Variants in GALNT4 observed in about 807,000 individuals in gnomAD.
GALNT4 encodes polypeptide N-acetylgalactosaminyltransferase 4.
GALNT4 carries 23 observed loss-of-function variants against 45.1 expected under a neutral mutation model. That is an observed-to-expected ratio of 0.51 (90% confidence interval 0.37 to 0.72). GALNT4 has a LOEUF of 0.72. Among genes scored for constraint, GALNT4 ranks in the 30% least tolerant of loss-of-function variants. The probability of loss-of-function intolerance (pLI) is 0.00; values close to 1 mark genes in which losing one functional copy is unlikely to be tolerated. For synonymous variants in GALNT4, 264 were observed against 257.6 expected, an observed-to-expected ratio of 1.02 and a Z score of -0.24; for missense variants, 757 against 709.0, an observed-to-expected ratio of 1.07 and a Z score of -0.77.
At position 89,522,092 on chromosome 12, in the gene GALNT4, A is replaced by C; in HGVS notation, c.*721T>G. 2.5e-6 allele frequency: 1 copy of C among 399,028 alleles called. No individual in the cohort carries two copies. The highest frequency in any genetic ancestry group is 3.6e-5 in the East Asian group (1 of 28,068). The allele number at this position is 399,028 out of a possible 1,614,324, so 24.7% of individuals were successfully genotyped here. On this transcript the variant is annotated 3_prime_UTR_variant, in exon 1 of 1. Transcript: ENST00000529983. The stretch of plus-strand genomic sequence containing the variant: ...CGTTCACAGAGAAGACAGCTTACAA[A>C]ATCAGAGGAATCTGAGGTATTAATA...
At position 89,523,089 on chromosome 12, in the gene GALNT4, T is replaced by A; in HGVS notation, c.1461A>T (p.Glu487Asp). 1 of 1,613,956 alleles carries A rather than the reference T, an allele frequency of 6.2e-7. No homozygotes were observed. Among genetic ancestry groups the A allele is most frequent in the South Asian group, 1.1e-5 (1 of 91,092 alleles). The part of the protein sequence containing the change: ...CHGQGGNQFF[E>D]YTSNKEIRFN... ...ACCTTATTTCTTTGTTTGAAGTATA[T>A]TCAAAGAATTGATTGCCTCCTTGAC... Residue 487 changes from glutamate (E) to aspartate (D), a missense_variant, in exon 1 of 1, where the codon GAA (glutamate) becomes GAT (aspartate). By Grantham distance (45) the Glu-to-Asp change is conservative. Coordinates refer to ENST00000529983, the MANE Select transcript of GALNT4 (RefSeq NM_003774.5).
chr12:89,524,216 G>T lies in GALNT4; in HGVS notation c.334C>A (p.Leu112Met). 1 of 1,613,990 alleles carries T rather than the reference G, an allele frequency of 6.2e-7. No homozygotes were observed. Among genetic ancestry groups the T allele is most frequent in the South Asian group, 1.1e-5 (1 of 91,082 alleles). ...CTTTTATCCTCTATGTGTCGATGCA[G>T]GGAAATCCTGTCACTGAGGTAAATA... is the stretch of plus-strand genomic sequence containing the variant. ...INIYLSDRIS[L>M]HRHIEDKRMY... Residue 112 changes from leucine (L) to methionine (M), a missense_variant, in exon 1 of 1, where the codon CTG (leucine) becomes ATG (methionine). Transcript: ENST00000529983.
rs1190349166 is a variant in GALNT4, at chr12:89,521,983, G to A, written c.*830C>T. The A allele has an allele frequency of 4.8e-5, 19 of 398,820 alleles. No individual in the cohort carries two copies. In the East Asian group the frequency reaches 6.1e-4, roughly 13 times the overall value. The allele number at this position is 398,820 out of a possible 1,614,324, so 24.7% of individuals were successfully genotyped here. ...AAATGATTAAGCATTAACAAAGGGAGGCATAGTATTCTGGATGAGTCCCTT... is the reference window on the plus strand; with the variant it reads ...AAATGATTAAGCATTAACAAAGGGAAGCATAGTATTCTGGATGAGTCCCTT... On this transcript the variant is annotated 3_prime_UTR_variant, in exon 1 of 1. Coordinates refer to ENST00000529983, the MANE Select transcript of GALNT4 (RefSeq NM_003774.5).
rs778875817 is a variant in GALNT4, at chr12:89,524,039, T to C, written c.511A>G (p.Ile171Val). The C allele has an allele frequency of 3.7e-6, 6 of 1,613,610 alleles. No homozygotes were observed. The highest frequency in any genetic ancestry group is 5.1e-6 in the Non-Finnish European group (6 of 1,179,756). Residue 171 changes from isoleucine to valine, a missense_variant, in exon 1 of 1, where the codon ATC (isoleucine) becomes GTC (valine). Coordinates refer to ENST00000529983, the MANE Select transcript of GALNT4 (RefSeq NM_003774.5). ...TSPAVLLKEI[I>V]LVDDLSDRVY... ...CTGTCACTCAAGTCATCCACCAAGA[T>C]GATCTCTTTCAAAAGAACTGCAGGA...
In GALNT4 at chr12:89,523,619, C is replaced by T; in HGVS notation, c.931G>A (p.Gly311Arg). Residue 311 changes from glycine (G) to arginine (R), a missense_variant, in exon 1 of 1, where the codon GGA becomes AGA. Coordinates refer to ENST00000529983, the MANE Select transcript of GALNT4 (RefSeq NM_003774.5). ...TTCTTGCTGACAGCAAACAGTCCTC[C>T]AGCCATGGTAGGTGATCTGATGGGG... ...IDPIRSPTMA[G>R]GLFAVSKKYF... 1 of 1,550,870 alleles carries T rather than the reference C, an allele frequency of 6.4e-7. No individual in the cohort carries two copies. The highest frequency in any genetic ancestry group is 1.3e-5 in the South Asian group (1 of 78,206).
Position 89,523,488 on chromosome 12 carries a change from G to C in GALNT4, c.1062C>G (p.Ile354Met). The change falls in exon 1 of 1, where the codon ATC becomes ATG. Residue 354 changes from isoleucine (I) to methionine (M), a missense_variant. Physicochemically the swap from Ile to Met is conservative, Grantham distance 10 (BLOSUM62 1). Transcript: ENST00000529983. The stretch of plus-strand genomic sequence containing the variant: ...CATGGCCCACGTGGGAACACGGGTG[G>C]ATCTCCAATTTGCCACCACACTGCC... The part of the protein sequence containing the change: ...RVWQCGGKLE[I>M]HPCSHVGHVF... 1 of 1,612,418 alleles carries C rather than the reference G, an allele frequency of 6.2e-7. No homozygotes were observed. The highest frequency in any genetic ancestry group is 1.1e-5 in the South Asian group (1 of 90,772).
Position 89,523,665 on chromosome 12 carries a change from G to A in GALNT4, c.885C>T (p.Asp295=). ...QWHSVPKQER[D]RRISRIDPIR... is the part of the protein sequence containing the mutation. ...TGGGGTCAATTCTTGATATCCGCCT[G>A]TCCCTTTCCTGTTTGGGGACAGAAT... Residue 295 remains aspartate, a synonymous_variant, in exon 1 of 1, where the codon GAC becomes GAT. Coordinates refer to ENST00000529983, the MANE Select transcript of GALNT4 (RefSeq NM_003774.5). 1 of 1,537,992 alleles carries A rather than the reference G, an allele frequency of 6.5e-7. No individual in the cohort carries two copies. The highest frequency in any genetic ancestry group is 8.7e-7 in the Non-Finnish European group (1 of 1,148,766).
chr12:89,523,742 T>C lies in GALNT4; in HGVS notation c.808A>G (p.Ile270Val). Residue 270 changes from isoleucine (I) to valine (V), a missense_variant, in exon 1 of 1, where the codon ATA (isoleucine) becomes GTA (valine). Ile to Val is a conservative substitution (Grantham distance 29, BLOSUM62 3). Coordinates refer to ENST00000529983, the MANE Select transcript of GALNT4 (RefSeq NM_003774.5). ...DWNTFEFYMQ[I>V]GEPMIGGFDW... ...AACCCACCAATCATGGGCTCCCCTATCTGCATATAGAATTCAAAAGTATTC... is the reference window on the plus strand; with the variant it reads ...AACCCACCAATCATGGGCTCCCCTACCTGCATATAGAATTCAAAAGTATTC... 1.3e-6 allele frequency: 2 copies of C among 1,544,032 alleles called. No individual in the cohort carries two copies. Among genetic ancestry groups the C allele is most frequent in the South Asian group, 1.3e-5 (1 of 76,962 alleles).
rs1592651727 is a variant in GALNT4, at chr12:89,523,032, T to C, written c.1518A>G (p.Val506=). Reference sequence around the variant, plus strand: ...TTCCCACATAATTTTTTTGCTCAGGTACCTCTGCACATAACTCTGTCACAG... The same window carrying C: ...TTCCCACATAATTTTTTTGCTCAGGCACCTCTGCACATAACTCTGTCACAG... ...FNSVTELCAE[V]PEQKNYVGMQ... Residue 506 remains valine, a synonymous_variant, in exon 1 of 1, where the codon GTA becomes GTG. Transcript: ENST00000529983. 9 of 1,613,894 alleles carry C rather than the reference T, an allele frequency of 5.6e-6. No individual in the cohort carries two copies. The East Asian group carries it at 2.0e-4, about 36-fold the overall frequency.
Position 89,522,910 on chromosome 12 carries a change from C to G in GALNT4, c.1640G>C (p.Cys547Ser). The change falls in exon 1 of 1, where the codon TGT becomes TCT. Residue 547 changes from cysteine (C) to serine (S), a missense_variant. Transcript: ENST00000529983. ...CTCCGGTGTCCGATAAGCACTAAGACACAGTCCTGAGTGTGGGTGAAAAAT... is the reference window on the plus strand; with the variant it reads ...CTCCGGTGTCCGATAAGCACTAAGAGACAGTCCTGAGTGTGGGTGAAAAAT... ...GTIFHPHSGL[C>S]LSAYRTPEGR... 1 of 1,614,046 alleles carries G rather than the reference C, an allele frequency of 6.2e-7. No individual in the cohort carries two copies. The highest frequency in any genetic ancestry group is 8.5e-7 in the Non-Finnish European group (1 of 1,179,894).
In GALNT4 at chr12:89,524,578, C is replaced by A. The variant is rs1361042955; in HGVS notation, c.-29G>T. ...GATTCTCAGGGCTGAGGCGCAGACGCGGCCACCAAGCCACCACGCAGGGGA... is the reference window on the plus strand; with the variant it reads ...GATTCTCAGGGCTGAGGCGCAGACGAGGCCACCAAGCCACCACGCAGGGGA... On this transcript the variant is annotated 5_prime_UTR_variant, in exon 1 of 1. Transcript: ENST00000529983. The A allele has an allele frequency of 2.5e-6, 4 of 1,608,612 alleles. No homozygotes were observed. The Admixed American group carries it at 5.0e-5, about 20-fold the overall frequency.
Position 89,523,591 on chromosome 12 carries a change from T to C in GALNT4, c.959A>G (p.Tyr320Cys). ...GTCATACGTTCCAAGGTACTGAAAATATTTCTTGCTGACAGCAAACAGTCC... is the reference window on the plus strand; with the variant it reads ...GTCATACGTTCCAAGGTACTGAAAACATTTCTTGCTGACAGCAAACAGTCC... Reference protein sequence around the residue: ...AGGLFAVSKKYFQYLGTYDTG... With the variant: ...AGGLFAVSKKCFQYLGTYDTG... The change falls in exon 1 of 1, where the codon TAT (tyrosine) becomes TGT (cysteine). Residue 320 changes from tyrosine to cysteine, a missense_variant. Coordinates refer to ENST00000529983, the MANE Select transcript of GALNT4 (RefSeq NM_003774.5). The C allele has an allele frequency of 3.2e-6, 5 of 1,567,636 alleles. No individual in the cohort carries two copies. Among genetic ancestry groups the C allele is most frequent in the Non-Finnish European group, 4.3e-6 (5 of 1,161,722 alleles).
chr12:89,523,870 T>A lies in GALNT4; in HGVS notation c.680A>T (p.Asp227Val). The part of the protein sequence containing the change: ...FATGDVLTFL[D>V]CHCECNSGWL... ...ACCGGAATTACACTCACAGTGACAATCCAGGAAAGTGAGGACGTCCCCAGT... is the reference window on the plus strand; with the variant it reads ...ACCGGAATTACACTCACAGTGACAAACCAGGAAAGTGAGGACGTCCCCAGT... The change falls in exon 1 of 1, where the codon GAT becomes GTT. Residue 227 changes from aspartate to valine, a missense_variant. By Grantham distance (152) the Asp-to-Val change is radical. Transcript: ENST00000529983. 2 of 1,568,124 alleles carry A rather than the reference T, an allele frequency of 1.3e-6. No homozygotes were observed. Among genetic ancestry groups the A allele is most frequent in the Non-Finnish European group, 1.7e-6 (2 of 1,161,720 alleles).
In GALNT4 at chr12:89,524,080, CTG is replaced by C. The variant is rs1228425296; in HGVS notation, c.468_469del (p.His156GlnfsTer19). 20 of 1,613,790 alleles carry C rather than the reference CTG, an allele frequency of 1.2e-5. No individual in the cohort carries two copies. Among genetic ancestry groups the C allele is most frequent in the Non-Finnish European group, 1.6e-5 (19 of 1,179,864 alleles). On this transcript the variant is annotated frameshift_variant, in exon 1 of 1. Transcript: ENST00000529983. LOFTEE classifies it high-confidence loss of function. ...AACTGCAGGAGAAGTTTCTAAAACA[CTG>C]TGAATGGTACGGAGCAAAGTCGACC...
chr12:89,523,823 T>G lies in GALNT4; in HGVS notation c.727A>C (p.Arg243=), dbSNP rs1871153103. The G allele has an allele frequency of 6.5e-7, 1 of 1,541,430 alleles. No homozygotes were observed. The highest frequency in any genetic ancestry group is 1.4e-5 in the African/African-American group (1 of 72,322). The change falls in exon 1 of 1, where the codon AGG becomes CGG. Residue 243 remains arginine (R), a synonymous_variant. Transcript: ENST00000529983. The stretch of plus-strand genomic sequence containing the variant: ...ACTGCTGTTTCATCTCTCCCAATCC[T>G]TTCCAAAAGCGGTTCCAGCCAACCG... The part of the protein sequence containing the change: ...NSGWLEPLLE[R]IGRDETAVVC...
In GALNT4 at chr12:89,523,977, G is replaced by A; in HGVS notation, c.573C>T (p.Ser191=). The change falls in exon 1 of 1, where the codon AGC becomes AGT. Residue 191 remains serine, a synonymous_variant. Transcript: ENST00000529983. ...TAATCAAGCGTACTCTATCAAGATT[G>A]CTGATGTAAGTTTCAAGTTGTGTCT... ...YLKTQLETYI[S]NLDRVRLIRT... is the part of the protein sequence containing the mutation. 2 of 1,613,872 alleles carry A rather than the reference G, an allele frequency of 1.2e-6. No individual in the cohort carries two copies. Among genetic ancestry groups the A allele is most frequent in the Non-Finnish European group, 8.5e-7 (1 of 1,179,858 alleles).
In GALNT4 at chr12:89,523,153, T is replaced by C. The variant is rs868006984; in HGVS notation, c.1397A>G (p.Asn466Ser). 1 of 1,613,532 alleles carries C rather than the reference T, an allele frequency of 6.2e-7. No individual in the cohort carries two copies. The highest frequency in any genetic ancestry group is 1.1e-5 in the South Asian group (1 of 91,058). The change falls in exon 1 of 1, where the codon AAC becomes AGC. Residue 466 changes from asparagine (N) to serine (S), a missense_variant. Transcript: ENST00000529983. ...ECLDYNSPDN[N>S]PTGANLSLFG... ...CAGTGAAAGGTTAGCACCTGTGGGG[T>C]TGTTGTCAGGAGAATTATAATCTAA...
Position 89,521,704 on chromosome 12 carries a change from A to C in GALNT4, c.*1109T>G, listed in dbSNP as rs1425934394. On this transcript the variant is annotated 3_prime_UTR_variant, in exon 1 of 1. Transcript: ENST00000529983. ...AGCTGAGCCATTCATTCATTCATTC[A>C]GTCATTCATTCACCCACTTACTGAA... 7.3e-6 allele frequency: 2 copies of C among 274,602 alleles called. No individual in the cohort carries two copies. Among genetic ancestry groups the C allele is most frequent in the African/African-American group, 4.3e-5 (2 of 46,022 alleles). The allele number at this position is 274,602 out of a possible 1,614,324, so 17.0% of individuals were successfully genotyped here.
At position 89,524,612 on chromosome 12, in the gene GALNT4, G is replaced by A; in HGVS notation, c.-63C>T. Reference sequence around the variant, plus strand: ...AGCCACCACGCAGGGGAAGGGCGGCGGAACCCACAGCTCGAGCTCAGGTAC... The same window carrying A: ...AGCCACCACGCAGGGGAAGGGCGGCAGAACCCACAGCTCGAGCTCAGGTAC... On this transcript the variant is annotated 5_prime_UTR_variant, in exon 1 of 1. Transcript: ENST00000529983. 6.5e-7 allele frequency: 1 copy of A among 1,544,500 alleles called. No homozygotes were observed. Among genetic ancestry groups the A allele is most frequent in the East Asian group, 2.2e-5 (1 of 44,484 alleles).
Sources: gnomAD v4.1 joint callset for allele counts on GRCh38, gnomAD v4.1.1 for gene constraint, MANE v1.5 for transcripts, NCBI Gene and HGNC (gene_info 2026-07-23, HGNC 2026-07-21) for gene names.